EP300: variants seen among roughly 807,000 people sequenced by gnomAD.
EP300 encodes histone acetyltransferase p300.
A neutral mutation model predicts 264.0 loss-of-function variants in EP300; 31 were observed. The ratio of observed to expected loss-of-function variants is 0.12; its 90% CI spans 0.09 to 0.16. EP300 has a LOEUF of 0.16. Among genes scored for constraint, EP300 ranks in the 10% least tolerant of loss-of-function variants. The probability of loss-of-function intolerance (pLI) is 1.00; values close to 1 mark genes in which losing one functional copy is unlikely to be tolerated. For synonymous variants in EP300, 1,340 were observed against 1,045.4 expected, an observed-to-expected ratio of 1.28 and a Z score of -5.44; for missense variants, 2,766 against 3,052.9, an observed-to-expected ratio of 0.91 and a Z score of 2.21.
chr22:41,157,062 A>G, intron 17 of EP300, 107 bp from the exon 18 acceptor site: 1 of 1,424,202 alleles, frequency 7.0e-7, no homozygotes, highest in Non-Finnish European at 9.8e-7. Flanking sequence ...TAGACAGGCC[A>G]GAAACTAAAA....
At chr22:41,166,967 G>A (rs904482425) in intron 23 of EP300, among the ~76,000 whole-genome samples, 3 of 152,056 alleles carry the variant, frequency 2.0e-5, no homozygotes, top group Non-Finnish European at 4.4e-5. Context: ...ATGATTGGCC[G>A]GAATTGCCAT....
chr22:41,132,717 T>C (rs2145717143), intron 6 of EP300, among the ~76,000 whole-genome samples: 1 of 152,336 alleles, frequency 6.6e-6, no homozygotes, highest in South Asian at 2.1e-4. Flanking sequence ...TTGGTAATGA[T>C]TTCCTCATGT....
In EP300 at chr22:41,126,006, A is replaced by G. The variant is rs766430168; in HGVS notation, c.872A>G (p.Lys291Arg). The G allele has an allele frequency of 6.2e-7, 1 of 1,614,218 alleles. No individual in the cohort carries two copies. Among genetic ancestry groups the G allele is most frequent in the Non-Finnish European group, 8.5e-7 (1 of 1,180,040 alleles). ...SNNLSPFAMD[K>R]KAVPGGGMPN... ...AACTTATCTCCATTTGCTATGGACA[A>G]AAAGGCAGTTCCTGGTGGAGGAATG... Residue 291 changes from lysine to arginine, a missense_variant, in exon 3 of 31, where the codon AAA becomes AGA. By Grantham distance (26) the Lys-to-Arg change is conservative. Coordinates refer to ENST00000263253, the MANE Select transcript of EP300 (RefSeq NM_001429.4).
chr22:41,138,409 C>G (rs1042187236), intron 8 of EP300, among the ~76,000 whole-genome samples: 1 of 152,148 alleles, frequency 6.6e-6, no homozygotes. Context: ...AGTGATCCGC[C>G]TGCCTCAGCT....
chr22:41,130,343 A>G (rs1221400483), intron 5 of EP300, among the ~76,000 whole-genome samples: 8 of 152,064 alleles, frequency 5.3e-5, no homozygotes, highest in Non-Finnish European at 2.9e-5. Flanking sequence ...GAGGATTCCC[A>G]GGAGTTCAAG....
chr22:41,142,885 C>CA (rs879716995), intron 10 of EP300, among the ~76,000 whole-genome samples: 291 of 143,694 alleles, frequency 2.0e-3, no homozygotes, highest in Middle Eastern at 7.1e-3. Flanking sequence ...GACTCTGTCT[C>CA]AAAAAAAAAA....
In EP300 at chr22:41,176,265, C is replaced by T. The variant is rs140154690; in HGVS notation, c.4798C>T (p.Leu1600Phe). The T allele has an allele frequency of 1.2e-6, 2 of 1,614,082 alleles. No individual in the cohort carries two copies. Among genetic ancestry groups the T allele is most frequent in the Non-Finnish European group, 1.7e-6 (2 of 1,180,044 alleles). The change falls in exon 30 of 31, where the codon CTC (leucine) becomes TTC (phenylalanine). Residue 1600 changes from leucine (L) to phenylalanine (F), a missense_variant. Transcript: ENST00000263253. Reference sequence around the variant, plus strand: ...TTTTCAGGTCTTCTTTGTGATCCGCCTCATTGCTGGCCCTGCTGCCAACTC... The same window carrying T: ...TTTTCAGGTCTTCTTTGTGATCCGCTTCATTGCTGGCCCTGCTGCCAACTC... ...KHKEVFFVIR[L>F]IAGPAANSLP...
intron 1 of EP300, among the ~76,000 whole-genome samples, chr22:41,098,607 G>C (rs778465821): frequency 6.6e-6 from 1 of 152,174 alleles, no homozygotes; most frequent in Non-Finnish European, 1.5e-5. Flanking sequence ...CACTGACCTC[G>C]TGATCCGCCC....
Position 41,178,715 on chromosome 22 carries a change from C to T in EP300, c.7004C>T (p.Pro2335Leu). 2 of 1,614,208 alleles carry T rather than the reference C, an allele frequency of 1.2e-6. No individual in the cohort carries two copies. The highest frequency in any genetic ancestry group is 2.2e-5 in the East Asian group (1 of 44,892). ...SSPSPRMQPQ[P>L]SPHHVSPQTS... The stretch of plus-strand genomic sequence containing the variant: ...CCTTCCCCAAGGATGCAGCCTCAGC[C>T]TTCTCCACACCACGTTTCCCCACAG... The change falls in exon 31 of 31, where the codon CCT becomes CTT. Residue 2335 changes from proline to leucine, a missense_variant. Pro to Leu is a moderately conservative substitution (Grantham distance 98). Coordinates refer to ENST00000263253, the MANE Select transcript of EP300 (RefSeq NM_001429.4).
At chr22:41,133,136 A>C (rs1601608296) in intron 6 of EP300, among the ~76,000 whole-genome samples, 1 of 148,428 alleles carries the variant, frequency 6.7e-6, no homozygotes, top group Non-Finnish European at 1.5e-5. Context: ...GAGCCACCGC[A>C]CCTGGCCTAA....
chr22:41,127,375 G>A (rs2058889001), intron 3 of EP300, 112 bp from the exon 4 acceptor site: 1 of 1,427,074 alleles, frequency 7.0e-7, no homozygotes, highest in Non-Finnish European at 9.7e-7. Context: ...AATGGAGTCT[G>A]GCTTATAGTA....
intron 1 of EP300, among the ~76,000 whole-genome samples, chr22:41,113,417 T>G (rs1378021112): frequency 1.3e-5 from 2 of 152,194 alleles, no homozygotes; most frequent in Non-Finnish European, 2.9e-5. Context: ...ATTTCCTGTT[T>G]CGTTTATGCT....
rs764782074 is a variant in EP300, at chr22:41,117,193, G to A, written c.101G>A (p.Gly34Asp). 2.5e-6 allele frequency: 4 copies of A among 1,613,962 alleles called. No homozygotes were observed. Among genetic ancestry groups the A allele is most frequent in the Non-Finnish European group, 3.4e-6 (4 of 1,179,992 alleles). Reference sequence around the variant, plus strand: ...CTTTTCCCTTTGCTTTTAGATTTTGGCTCTCTATTTGACTTGGAGCACGAC... The same window carrying A: ...CTTTTCCCTTTGCTTTTAGATTTTGACTCTCTATTTGACTTGGAGCACGAC... ...SASASDGTDFGSLFDLEHDLP... is the reference protein window; with the variant it reads ...SASASDGTDFDSLFDLEHDLP... Residue 34 changes from glycine to aspartate, a missense_variant, in exon 2 of 31, where the codon GGC becomes GAC. Physicochemically the swap from Gly to Asp is moderately conservative, Grantham distance 94 (BLOSUM62 -1). Coordinates refer to ENST00000263253, the MANE Select transcript of EP300 (RefSeq NM_001429.4).
At chr22:41,131,838 A>G (rs934741927) in intron 6 of EP300, among the ~76,000 whole-genome samples, 2 of 152,052 alleles carry the variant, frequency 1.3e-5, no homozygotes, top group African/African-American at 4.8e-5. Flanking sequence ...CCTTTTTTGC[A>G]TTATATGAGT....
chr22:41,153,907 A>AAT (rs2059061469), intron 16 of EP300, among the ~76,000 whole-genome samples: 1 of 152,100 alleles, frequency 6.6e-6, no homozygotes, highest in Non-Finnish European at 1.5e-5. Context: ...TGAAGTAACA[A>AAT]ATATACTCTA....
chr22:41,109,370 A>G (rs1478961126), intron 1 of EP300, among the ~76,000 whole-genome samples: 1 of 152,170 alleles, frequency 6.6e-6, no homozygotes, highest in Non-Finnish European at 1.5e-5. Context: ...AGACTTCTAT[A>G]TTACTAAAGC....
Position 41,177,990 on chromosome 22 carries a change from C to A in EP300, c.6279C>A (p.Ala2093=), listed in dbSNP as rs754090447. 7 of 1,614,196 alleles carry A rather than the reference C, an allele frequency of 4.3e-6. No individual in the cohort carries two copies. The highest frequency in any genetic ancestry group is 5.9e-6 in the Non-Finnish European group (7 of 1,180,032). The stretch of plus-strand genomic sequence containing the variant: ...TCAAGCAGCGGGCTGCCAAGTATGC[C>A]AACTCTAATCCACAACCCATCCCTG... ...AFIKQRAAKY[A]NSNPQPIPGQ... Residue 2093 remains alanine (A), a synonymous_variant, in exon 31 of 31, where the codon GCC becomes GCA. Coordinates refer to ENST00000263253, the MANE Select transcript of EP300 (RefSeq NM_001429.4).
At chr22:41,135,062 A>G (rs528568566) in intron 6 of EP300, among the ~76,000 whole-genome samples, 1 of 150,988 alleles carries the variant, frequency 6.6e-6, no homozygotes, top group South Asian at 2.1e-4. Context: ...GCACACCACC[A>G]CCTTTTTGTG....
rs773973814 is a variant in EP300, at chr22:41,177,111, A to G, written c.5400A>G (p.Lys1800=). 6.2e-7 allele frequency: 1 copy of G among 1,614,124 alleles called. No individual in the cohort carries two copies. Among genetic ancestry groups the G allele is most frequent in the Admixed American group, 1.7e-5 (1 of 60,018 alleles). ...ATGCCAAGCACTGCCAGGAGAACAA[A>G]TGCCCGGTGCCGTTCTGCCTAAACA... ...CYHAKHCQEN[K]CPVPFCLNIK... is the part of the protein sequence containing the mutation. The change falls in exon 31 of 31, where the codon AAA becomes AAG. Residue 1800 remains lysine (K), a synonymous_variant. Coordinates refer to ENST00000263253, the MANE Select transcript of EP300 (RefSeq NM_001429.4).
Sources: allele counts gnomAD v4.1 joint callset (sites outside exome capture counted in the v4.1 genomes callset), GRCh38; gene constraint gnomAD v4.1.1; transcripts MANE v1.5; gene names NCBI Gene and HGNC (gene_info 2026-07-23, HGNC 2026-07-21).